The following AFF2 variants were observed in gnomAD, a reference collection of about 807,000 sequenced individuals.
The protein encoded by AFF2 is ALF transcription elongation factor 2, also known as AF4/FMR2 family member 2.
AFF2 carries 14 observed loss-of-function variants against 76.9 expected under a neutral mutation model. That is an observed-to-expected ratio of 0.18 (90% CI 0.12 to 0.28). AFF2 has a LOEUF of 0.28. Ranked by LOEUF, AFF2 falls within the 10% of genes least tolerant of loss-of-function variation. The pLI, the probability that AFF2 is intolerant of heterozygous loss-of-function variation, is 1.00. For synonymous variants in AFF2, 398 were observed against 366.7 expected, an observed-to-expected ratio of 1.09 and a Z score of -0.98; for missense variants, 868 against 1,001.1, an observed-to-expected ratio of 0.87 and a Z score of 1.79.
chrX:148,703,392 T>G (rs1054344192), intron 3 of AFF2, among the ~76,000 whole-genome samples: 1 of 112,236 alleles, frequency 8.9e-6, no homozygotes, highest in Non-Finnish European at 1.9e-5. Flanking sequence ...GTAACAGGTG[T>G]CATGCCAAAT....
chrX:148,685,058 G>A (rs1557260230), intron 3 of AFF2, among the ~76,000 whole-genome samples: 1 of 112,220 alleles, frequency 8.9e-6, no homozygotes, highest in Non-Finnish European at 1.9e-5. Flanking sequence ...GGATTCCGCA[G>A]TAGACATCCC....
intron 3 of AFF2, among the ~76,000 whole-genome samples, chrX:148,781,489 C>T (rs1404905534): frequency 2.7e-5 from 3 of 112,230 alleles, no homozygotes; most frequent in African/African-American, 6.5e-5. Flanking sequence ...GTGGGCTCTG[C>T]CCAGTCCAAA....
chrX:148,651,906 A>T, intron 1 of AFF2, 93 bp from the exon 2 acceptor site: 3 of 897,762 alleles, frequency 3.3e-6, no homozygotes, highest in Non-Finnish European at 4.6e-6. Context: ...GTTGACTTGA[A>T]TTTTTTTCTT....
intron 1 of AFF2, among the ~76,000 whole-genome samples, chrX:148,540,269 C>G (rs1449763410): frequency 1.8e-5 from 2 of 111,241 alleles, no homozygotes; most frequent in Non-Finnish European, 3.8e-5. Flanking sequence ...ATTAGAGAAG[C>G]ACTGCAAAAG....
intron 1 of AFF2, among the ~76,000 whole-genome samples, chrX:148,619,635 A>G (rs2053847100): frequency 8.9e-6 from 1 of 112,388 alleles, no homozygotes; most frequent in Admixed American, 9.4e-5. Context: ...TTGATAGAAT[A>G]TTCCAGATAT....
rs562758621 is a variant in AFF2, at chrX:148,516,029, G to T, written c.47+14885G>T. ...GTATGTGGGCAAAGAAGCCTTCTTTGAACTTCCAGCCCTTGGTTGCAGTTC... is the reference window on the plus strand; with the variant it reads ...GTATGTGGGCAAAGAAGCCTTCTTTTAACTTCCAGCCCTTGGTTGCAGTTC... On this transcript the variant is annotated intron_variant, in intron 1 of 20. Transcript: ENST00000370460. 4.5e-5 allele frequency among the ~76,000 whole-genome samples: 5 copies of T among 112,078 alleles called. No homozygotes were observed. The South Asian group carries it at 1.9e-3, about 42-fold the overall frequency.
chrX:148,653,329 G>T (rs1380452954), intron 2 of AFF2, among the ~76,000 whole-genome samples: 2 of 109,696 alleles, frequency 1.8e-5, no homozygotes, highest in Admixed American at 9.7e-5. Context: ...ATTTATGAAG[G>T]TCTACTATGT....
intron 2 of AFF2, among the ~76,000 whole-genome samples, chrX:148,658,042 A>G (rs1557257343): frequency 9.0e-6 from 1 of 111,480 alleles, no homozygotes; most frequent in African/African-American, 3.3e-5. Flanking sequence ...AAGCTGATTG[A>G]CAGTTACCCA....
chrX:148,921,430 G>A (rs1557283197), intron 9 of AFF2, among the ~76,000 whole-genome samples: 1 of 112,115 alleles, frequency 8.9e-6, no homozygotes, highest in Non-Finnish European at 1.9e-5. Flanking sequence ...CCTCCAGTAA[G>A]CCTTGACCAG....
intron 4 of AFF2, among the ~76,000 whole-genome samples, chrX:148,830,990 A>G (rs2070447388): frequency 8.9e-6 from 1 of 112,117 alleles, no homozygotes; most frequent in South Asian, 3.7e-4. Flanking sequence ...CCCCTTGGGA[A>G]TGCATTCTCC....
intron 9 of AFF2, among the ~76,000 whole-genome samples, chrX:148,905,395 G>A (rs1433708492): frequency 8.9e-6 from 1 of 112,000 alleles, no homozygotes; most frequent in African/African-American, 3.3e-5. Flanking sequence ...CTGAGGTTTT[G>A]TCAGGTCGTG....
intron 1 of AFF2, among the ~76,000 whole-genome samples, chrX:148,605,781 G>A (rs1317191693): frequency 8.9e-6 from 1 of 111,912 alleles, no homozygotes; most frequent in African/African-American, 3.2e-5. Context: ...TCCATAGAAT[G>A]AAATAAATAT....
chrX:148,773,697 A>AGAAG (rs1491578084), intron 3 of AFF2, among the ~76,000 whole-genome samples: 6 of 84,840 alleles, frequency 7.1e-5, no homozygotes, highest in Admixed American at 2.5e-4. Flanking sequence ...AAAGAAAGAA[A>AGAAG]GAAAGAAAGA....
At chrX:148,540,594 A>G (rs1445325949) in intron 1 of AFF2, among the ~76,000 whole-genome samples, 3 of 111,268 alleles carry the variant, frequency 2.7e-5, no homozygotes, top group African/African-American at 6.5e-5. Context: ...CCCCCTAAGC[A>G]GACACCACTT....
chrX:148,512,039 C>T (rs1557233188), intron 1 of AFF2, among the ~76,000 whole-genome samples: 1 of 111,699 alleles, frequency 9.0e-6, no homozygotes, highest in Non-Finnish European at 1.9e-5. Flanking sequence ...ATGAAGCAGA[C>T]TTTAAGCTAC....
intron 7 of AFF2, among the ~76,000 whole-genome samples, chrX:148,880,210 A>G (rs927340548): frequency 1.8e-5 from 2 of 112,053 alleles, no homozygotes; most frequent in African/African-American, 6.5e-5. Context: ...TTAAAACCTT[A>G]GGAAAATTAA....
intron 8 of AFF2, 111 bp downstream of exon 8, chrX:148,886,096 T>C: frequency 1.7e-6 from 1 of 592,480 alleles, no homozygotes; most frequent in Non-Finnish European, 2.8e-6. Context: ...ATCTCTGGGC[T>C]TTGGAGAGAG....
At chrX:148,766,260 G>T (rs61479942) in intron 3 of AFF2, among the ~76,000 whole-genome samples, 2 of 109,357 alleles carry the variant, frequency 1.8e-5, no homozygotes, top group East Asian at 5.9e-4. Flanking sequence ...TCTAGTTCTA[G>T]ATCCCTGAGG....
At chrX:148,506,023 T>C (rs782563204) in intron 1 of AFF2, among the ~76,000 whole-genome samples, 1 of 110,937 alleles carries the variant, frequency 9.0e-6, no homozygotes, top group South Asian at 3.9e-4. Flanking sequence ...ATTGCTACTA[T>C]AATTTGAGTG....
Sources: gnomAD v4.1 joint callset for allele counts (sites outside exome capture counted in the v4.1 genomes callset) on GRCh38, gnomAD v4.1.1 for gene constraint, MANE v1.5 for transcripts, NCBI Gene and HGNC (gene_info 2026-07-23, HGNC 2026-07-21) for gene names.